CKAP2L: variants seen among roughly 807,000 people sequenced by gnomAD.
The protein encoded by CKAP2L is cytoskeleton associated protein 2L, also known as cytoskeleton-associated protein 2-like.
Under a neutral mutation model 65.7 loss-of-function variants are expected in CKAP2L, and 42 were observed. The observed-to-expected ratio is 0.64, with a 90% CI of 0.50 to 0.83. The LOEUF (loss-of-function observed/expected upper bound fraction) is 0.83. CKAP2L is among the 40% of genes least tolerant of loss of function. The pLI is 0.00. For synonymous variants in CKAP2L, 325 were observed against 313.5 expected (o/e 1.04, Z -0.39); for missense variants, 908 against 871.0 (o/e 1.04, Z -0.53).
intron 5 of CKAP2L, among the ~76,000 whole-genome samples, chr2:112,748,424 T>C (rs6721044): frequency 0.5 from 75,400 of 150,816 alleles, 19,226 homozygotes; most frequent in African/African-American, 0.63. Context: ...AATTAAGAAA[T>C]TTCCCCCAGC....
intron 5 of CKAP2L, among the ~76,000 whole-genome samples, chr2:112,751,346 AC>A (rs1444882378): frequency 4.6e-5 from 7 of 152,178 alleles, no homozygotes; most frequent in African/African-American, 1.7e-4. Context: ...TTCTCGACAT[AC>A]CTATACTGTA....
rs1453340068 is a variant in CKAP2L at position 112,756,823 on chromosome 2, G to C, written c.548C>G (p.Thr183Arg). ...NESLDNFLKE[T>R]NKENLLDILT... ...GATATCGAGCAAGTTCTCTTTGTTT[G>C]TTTCTTTTAGAAAGTTATCCAAAGA... Residue 183 changes from threonine (T) to arginine (R), a missense_variant, in exon 4 of 9, where the codon ACA becomes AGA. Physicochemically the swap from Thr to Arg is moderately conservative, Grantham distance 71. Transcript: ENST00000302450. 4 of 1,601,378 alleles carry C rather than the reference G, an allele frequency of 2.5e-6. No individual in the cohort carries two copies. Among genetic ancestry groups the C allele is most frequent in the Admixed American group, 3.5e-5 (2 of 56,536 alleles).
intron 3 of CKAP2L, among the ~76,000 whole-genome samples, chr2:112,758,231 AG>A (rs1191296826): frequency 6.6e-6 from 1 of 152,238 alleles, no homozygotes; most frequent in African/African-American, 2.4e-5. Context: ...TTTGAAAACT[AG>A]GGAAGGGAGT....
intron 6 of CKAP2L, among the ~76,000 whole-genome samples, chr2:112,744,329 T>C (rs1310322614): frequency 6.6e-5 from 10 of 152,210 alleles, no homozygotes; most frequent in Admixed American, 4.6e-4. Flanking sequence ...TTTGATCTAC[T>C]TGAGAGAGTT....
chr2:112,761,213 C>T (rs1471201169), intron 2 of CKAP2L, among the ~76,000 whole-genome samples: 1 of 152,040 alleles, frequency 6.6e-6, no homozygotes, highest in East Asian at 1.9e-4. Context: ...GTAATCCCAG[C>T]ACTTTGGGAG....
Position 112,757,143 on chromosome 2 carries a change from A to G in CKAP2L, c.228T>C (p.Ile76=), listed in dbSNP as rs376335698. 4.5e-5 allele frequency: 73 copies of G among 1,613,996 alleles called. No homozygotes were observed. The highest frequency in any genetic ancestry group is 6.1e-5 in the Non-Finnish European group (72 of 1,180,016). Residue 76 remains isoleucine (I), a synonymous_variant, in exon 4 of 9, where the codon ATT becomes ATC. Coordinates refer to ENST00000302450, the MANE Select transcript of CKAP2L (RefSeq NM_152515.5). ...LPVKPKRSIS[I]KLQPRPPNTA... ...TATTAGGTGGTCTGGGCTGGAGTTT[A>G]ATGCTGATGGACCTTTTAGGTTTGA...
intron 8 of CKAP2L, 62 bp from the exon 9 acceptor site, chr2:112,739,110 T>G: frequency 7.8e-7 from 1 of 1,287,438 alleles, no homozygotes; most frequent in Non-Finnish European, 1.1e-6. Context: ...CTTTATTATT[T>G]TTTGTTTCTT....
chr2:112,757,144 ATGC>A lies in CKAP2L; in HGVS notation c.224_226del (p.Ser75del). The A allele has an allele frequency of 6.2e-7, 1 of 1,614,138 alleles. No homozygotes were observed. Among genetic ancestry groups the A allele is most frequent in the Non-Finnish European group, 8.5e-7 (1 of 1,180,004 alleles). On this transcript the variant is annotated inframe_deletion, in exon 4 of 9. Transcript: ENST00000302450. ...ATTAGGTGGTCTGGGCTGGAGTTTA[ATGC>A]TGATGGACCTTTTAGGTTTGACAGG...
chr2:112,753,279 T>C (rs1244813469), intron 4 of CKAP2L, among the ~76,000 whole-genome samples: 1 of 152,182 alleles, frequency 6.6e-6, no homozygotes, highest in Admixed American at 6.5e-5. Context: ...TTTAATACTG[T>C]CACAAACAAA....
intron 8 of CKAP2L, 48 bp from the exon 9 acceptor site, chr2:112,739,096 T>G: frequency 7.3e-7 from 1 of 1,371,724 alleles, no homozygotes; most frequent in African/African-American, 1.5e-5. Flanking sequence ...TTTAAAAAAA[T>G]TATCTTTATT....
At chr2:112,753,314 T>C (rs750184756) in intron 4 of CKAP2L, among the ~76,000 whole-genome samples, 1 of 152,176 alleles carries the variant, frequency 6.6e-6, no homozygotes, top group Non-Finnish European at 1.5e-5. Context: ...TCTCTGCATC[T>C]GTTACAAATT....
intron 5 of CKAP2L, among the ~76,000 whole-genome samples, 153 bp from the exon 6 acceptor site, chr2:112,746,728 G>A (rs1039702669): frequency 4.6e-5 from 7 of 152,060 alleles, no homozygotes; most frequent in African/African-American, 1.5e-4. Context: ...GAGGTACAAT[G>A]TACATGTAAT....
intron 3 of CKAP2L, among the ~76,000 whole-genome samples, chr2:112,759,001 T>C (rs1232127284): frequency 3.9e-5 from 6 of 152,242 alleles, no homozygotes; most frequent in African/African-American, 1.4e-4. Context: ...AATCATGTAA[T>C]ATGTGGCCTT....
intron 7 of CKAP2L, among the ~76,000 whole-genome samples, chr2:112,741,967 T>A (rs895118355): frequency 9.7e-5 from 9 of 92,590 alleles, no homozygotes; most frequent in African/African-American, 2.7e-4. Flanking sequence ...TTTTTTTTTT[T>A]AAAGACAAGA....
In CKAP2L at chr2:112,756,766, T is replaced by A; in HGVS notation, c.605A>T (p.Lys202Ile). 5 of 1,602,814 alleles carry A rather than the reference T, an allele frequency of 3.1e-6. No homozygotes were observed. The highest frequency in any genetic ancestry group is 3.4e-6 in the Non-Finnish European group (4 of 1,176,702). ...LTEPERKPDP[K>I]LYTRSKPKTD... is the part of the protein sequence containing the mutation. ...CTTTGGCTTACTTCTGGTATATAAT[T>A]TAGGATCTGGCTTCCTCTCAGGTTC... Residue 202 changes from lysine to isoleucine, a missense_variant, in exon 4 of 9, where the codon AAA (lysine) becomes ATA (isoleucine). Physicochemically the swap from Lys to Ile is moderately radical, Grantham distance 102. Coordinates refer to ENST00000302450, the MANE Select transcript of CKAP2L (RefSeq NM_152515.5).
At chr2:112,742,329 C>T (rs908570828) in intron 7 of CKAP2L, 29 of 712,670 alleles carry the variant, frequency 4.1e-5, no homozygotes, top group African/African-American at 1.6e-4. Flanking sequence ...ATTTTTAAAG[C>T]GTAACACAAA....
In CKAP2L at chr2:112,736,995, T is replaced by C. The variant is rs1409730050; in HGVS notation, c.*1828A>G. The C allele has an allele frequency of 6.6e-6, 1 of 152,148 alleles. No individual in the cohort carries two copies. Among genetic ancestry groups the C allele is most frequent in the Admixed American group, 6.5e-5 (1 of 15,274 alleles). The allele number at this position is 152,148 out of a possible 1,614,324, so 9.4% of individuals were successfully genotyped here. On this transcript the variant is annotated 3_prime_UTR_variant, in exon 9 of 9. Transcript: ENST00000302450. ...AGGCTGGAGTGCAGTGACGCAATTT[T>C]GGCTCACTGCAACCTCCACCTCCCG...
chr2:112,741,940 GTTTTTTTTTT>G (rs57634251), intron 7 of CKAP2L, among the ~76,000 whole-genome samples: 5 of 71,900 alleles, frequency 7.0e-5, no homozygotes, highest in African/African-American at 1.1e-4. Context: ...TTTCTTTTCT[GTTTTTTTTTT>G]TTTTTTTTTT....
rs767183067 is a variant in CKAP2L at position 112,742,794 on chromosome 2, A to G, written c.1759-25T>C. On this transcript the variant is annotated intron_variant, in intron 6 of 8. Coordinates refer to ENST00000302450, the MANE Select transcript of CKAP2L (RefSeq NM_152515.5). ...GCTGGAAGGAAGGAAGAAAACATAC[A>G]AAATCTTAAAAACATTCATGCAAAA... 4.5e-6 allele frequency: 7 copies of G among 1,556,044 alleles called. No individual in the cohort carries two copies. In the Admixed American group the frequency reaches 9.7e-5, roughly 21 times the overall value.
Sources: allele counts gnomAD v4.1 joint callset (sites outside exome capture counted in the v4.1 genomes callset), GRCh38; gene constraint gnomAD v4.1.1; transcripts MANE v1.5; gene names NCBI Gene and HGNC (gene_info 2026-07-23, HGNC 2026-07-21).